SGCG: variants seen among roughly 807,000 people sequenced by gnomAD.
The protein encoded by SGCG is sarcoglycan gamma.
In SGCG, 26 loss-of-function variants were observed where a neutral mutation model predicts 29.3. That is an observed-to-expected ratio of 0.89 (90% CI 0.65 to 1.23). The LOEUF is 1.23. Among genes scored for constraint, SGCG ranks in the 50% most tolerant of loss-of-function variants. The probability of loss-of-function intolerance (pLI) is 0.00; values close to 1 mark genes in which losing one functional copy is unlikely to be tolerated. For missense variants in SGCG, 353 were observed against 356.0 expected (o/e 0.99, Z 0.07); for synonymous variants, 145 against 129.7 (o/e 1.12, Z -0.80).
At position 23,279,470 on chromosome 13, in the gene SGCG, G is replaced by T; in HGVS notation, c.497G>T (p.Arg166Leu). The T allele has an allele frequency of 1.9e-6, 3 of 1,612,756 alleles. No individual in the cohort carries two copies. In the South Asian group the frequency reaches 3.3e-5, roughly 18 times the overall value. Residue 166 changes from arginine (R) to leucine (L), a missense_variant, in exon 5 of 8, where the codon CGA (arginine) becomes CTA (leucine). By Grantham distance (102) the Arg-to-Leu change is moderately radical. Coordinates refer to ENST00000218867, the MANE Select transcript of SGCG (RefSeq NM_000231.3). ...KEVVVGTDKL[R>L]VTGPEGALFE... ...GTTGTGGTTGGTACAGATAAACTTC[G>T]AGTAACTGGTATGTACTAACTCGAG...
chr13:23,249,835 CT>C (rs1349365313), intron 3 of SGCG, among the ~76,000 whole-genome samples: 2 of 152,018 alleles, frequency 1.3e-5, no homozygotes, highest in Non-Finnish European at 2.9e-5. Flanking sequence ...GAAAATATTT[CT>C]TAATAGGAAA....
At chr13:23,301,988 G>A (rs1038631859) in intron 6 of SGCG, among the ~76,000 whole-genome samples, 1 of 152,022 alleles carries the variant, frequency 6.6e-6, no homozygotes, top group Non-Finnish European at 1.5e-5. Context: ...ACCTTTTATG[G>A]TTTAAATAAC....
intron 6 of SGCG, among the ~76,000 whole-genome samples, chr13:23,301,208 A>C (rs941351168): frequency 5.3e-5 from 8 of 152,336 alleles, no homozygotes; most frequent in Non-Finnish European, 1.2e-4. Context: ...GAGCAAAGCA[A>C]AGAGATTTTT....
At chr13:23,168,782 T>G in the SGCG span, among the ~76,000 whole-genome samples, 1 of 152,192 alleles carries the variant, frequency 6.6e-6, no homozygotes, top group Non-Finnish European at 1.5e-5. Context: ...AAATAAGGCA[T>G]GATTGATAGG....
At chr13:23,259,983 A>G (rs147818515) in intron 4 of SGCG, among the ~76,000 whole-genome samples, 4,238 of 152,206 alleles carry the variant, frequency 0.028, 82 homozygotes, top group Non-Finnish European at 0.033. Context: ...CAATTTTGGA[A>G]TAAGTGTGAT....
intron 4 of SGCG, among the ~76,000 whole-genome samples, chr13:23,269,874 G>GTTTTTT (rs796558128): frequency 2.1e-5 from 2 of 97,508 alleles, no homozygotes; most frequent in African/African-American, 6.3e-5. Context: ...TGTTTTTTTT[G>GTTTTTT]TTTTTTTTGT....
intron 1 of SGCG, among the ~76,000 whole-genome samples, chr13:23,190,131 T>C (rs1877181858): frequency 6.6e-6 from 1 of 151,638 alleles, no homozygotes; most frequent in African/African-American, 2.4e-5. Context: ...ATGGCTCTAT[T>C]TAAAATATTT....
chr13:23,196,066 T>A (rs1877495063), intron 1 of SGCG, among the ~76,000 whole-genome samples: 1 of 152,068 alleles, frequency 6.6e-6, no homozygotes. Context: ...AATATGTATA[T>A]ATTCTAAGTT....
At chr13:23,176,296 AAG>A, upstream of SGCG, among the ~76,000 whole-genome samples, 1 of 152,292 alleles carries the variant, frequency 6.6e-6, no homozygotes, top group South Asian at 2.1e-4. Context: ...ACATTGAACA[AAG>A]AGTTTATGGT....
chr13:23,241,731 G>A (rs888844517), intron 3 of SGCG, among the ~76,000 whole-genome samples: 6 of 152,080 alleles, frequency 3.9e-5, no homozygotes, highest in African/African-American at 1.4e-4. Context: ...CAAAATACTA[G>A]CAAACCAAAT....
At position 23,325,139 on chromosome 13, in the gene SGCG, G is replaced by T; in HGVS notation, c.*598G>T. 6.4e-6 allele frequency: 1 copy of T among 155,564 alleles called. No homozygotes were observed. Among genetic ancestry groups the T allele is most frequent in the Admixed American group, 6.2e-5 (1 of 16,044 alleles). The allele number at this position is 155,564 out of a possible 1,614,324, so 9.6% of individuals were successfully genotyped here. A position where few individuals can be genotyped will look rare whatever the true frequency, so the allele number is the denominator to read the frequency against. On this transcript the variant is annotated 3_prime_UTR_variant, in exon 8 of 8. Transcript: ENST00000218867. ...TAAACTTTCTGTATATAGTCAATAA[G>T]CAATAAAAACCTCATTTTTCAGAGT...
At chr13:23,309,859 A>G (rs1255683481) in intron 6 of SGCG, among the ~76,000 whole-genome samples, 2 of 152,122 alleles carry the variant, frequency 1.3e-5, no homozygotes, top group African/African-American at 4.8e-5. Context: ...CAAGTTTTGT[A>G]CATCTTCAGG....
chr13:23,238,230 T>C (rs1879382446), intron 3 of SGCG, among the ~76,000 whole-genome samples: 1 of 152,082 alleles, frequency 6.6e-6, no homozygotes, highest in African/African-American at 2.4e-5. Flanking sequence ...GAGACAGGGT[T>C]GGGAGGCCAA....
intron 5 of SGCG, among the ~76,000 whole-genome samples, chr13:23,292,575 A>G (rs1266579255): frequency 6.6e-6 from 1 of 152,270 alleles, no homozygotes; most frequent in Non-Finnish European, 1.5e-5. Context: ...ATGGAAGTGG[A>G]ATAGATTGCA....
chr13:23,312,103 G>A (rs1423388265), intron 6 of SGCG, among the ~76,000 whole-genome samples: 1 of 152,152 alleles, frequency 6.6e-6, no homozygotes, highest in African/African-American at 2.4e-5. Context: ...TTGGCTCCAA[G>A]TAATCCAGGT....
At chr13:23,250,418 T>C (rs1488076183) in intron 3 of SGCG, among the ~76,000 whole-genome samples, 1 of 152,210 alleles carries the variant, frequency 6.6e-6, no homozygotes, top group African/African-American at 2.4e-5. Context: ...CATTTTATGA[T>C]TGTTATTCTT....
chr13:23,283,131 G>T (rs1314928657), intron 5 of SGCG, among the ~76,000 whole-genome samples: 2 of 152,132 alleles, frequency 1.3e-5, no homozygotes, highest in Non-Finnish European at 2.9e-5. Flanking sequence ...TGTCTATTAG[G>T]TCTGCTTGGT....
chr13:23,255,508 TG>T (rs1394035250), intron 4 of SGCG, among the ~76,000 whole-genome samples: 2 of 152,164 alleles, frequency 1.3e-5, no homozygotes, highest in African/African-American at 2.4e-5. Flanking sequence ...ATGTGAGATT[TG>T]GGGGAGCAAG....
upstream of SGCG, among the ~76,000 whole-genome samples, chr13:23,179,689 A>T (rs1876667556): frequency 1.3e-5 from 2 of 152,322 alleles, no homozygotes; most frequent in South Asian, 2.1e-4. Flanking sequence ...TGTCTTACAA[A>T]TGTAAGATTA....
Sources: allele counts gnomAD v4.1 joint callset (sites outside exome capture counted in the v4.1 genomes callset), GRCh38; gene constraint gnomAD v4.1.1; transcripts MANE v1.5; gene names NCBI Gene and HGNC (gene_info 2026-07-23, HGNC 2026-07-21).